The following LARP1B variants were observed in gnomAD, a reference collection of about 807,000 sequenced individuals.
LARP1B encodes la-related protein 1B.
In LARP1B, 76 loss-of-function variants were observed where a neutral mutation model predicts 114.2. That is an observed-to-expected ratio of 0.67 (90% CI 0.55 to 0.81). The LOEUF (loss-of-function observed/expected upper bound fraction) is 0.81. Ranked by LOEUF, LARP1B falls within the 30% of genes least tolerant of loss-of-function variation. The pLI is 0.00. For synonymous variants in LARP1B, 345 were observed against 348.0 expected (o/e 0.99, Z 0.10); for missense variants, 1,014 against 1,075.8 (o/e 0.94, Z 0.80).
intron 12 of LARP1B, among the ~76,000 whole-genome samples, chr4:128,173,969 A>G (rs747798243): frequency 6.6e-6 from 1 of 152,108 alleles, no homozygotes; most frequent in Non-Finnish European, 1.5e-5. Flanking sequence ...TTCTTTCACT[A>G]TGGTTTTGCA....
intron 15 of LARP1B, among the ~76,000 whole-genome samples, chr4:128,186,771 T>G (rs1016252105): frequency 2.6e-5 from 4 of 152,256 alleles, no homozygotes; most frequent in African/African-American, 9.6e-5. Flanking sequence ...TTGTAGGCAT[T>G]TTAGAGACCT....
chr4:128,076,628 A>G (rs1249560141), intron 3 of LARP1B, among the ~76,000 whole-genome samples: 1 of 152,184 alleles, frequency 6.6e-6, no homozygotes, highest in Non-Finnish European at 1.5e-5. Flanking sequence ...TGGATCACTT[A>G]GTAGCTACCT....
At chr4:128,140,494 A>G (rs1355455567) in intron 11 of LARP1B, among the ~76,000 whole-genome samples, 2 of 152,206 alleles carry the variant, frequency 1.3e-5, no homozygotes, top group Non-Finnish European at 2.9e-5. Context: ...CTTAACGTAT[A>G]TAGATGGTTG....
At chr4:128,153,378 G>A (rs1225631501) in intron 11 of LARP1B, among the ~76,000 whole-genome samples, 4 of 151,396 alleles carry the variant, frequency 2.6e-5, no homozygotes, top group Admixed American at 6.6e-5. Context: ...GTGCAGTGGC[G>A]CGATCTTGGC....
At chr4:128,155,928 G>A in intron 11 of LARP1B, 1 of 1,537,578 alleles carries the variant, frequency 6.5e-7, no homozygotes, top group Non-Finnish European at 9.0e-7. Flanking sequence ...GAGCCAAGGA[G>A]GGGTACACAG....
intron 8 of LARP1B, among the ~76,000 whole-genome samples, chr4:128,101,616 A>G (rs1780359150): frequency 6.6e-6 from 1 of 151,142 alleles, no homozygotes; most frequent in East Asian, 1.9e-4. Flanking sequence ...GATTCATAGT[A>G]GAATGAGTTT....
intron 11 of LARP1B, among the ~76,000 whole-genome samples, chr4:128,139,921 C>T (rs893395114): frequency 9.9e-5 from 15 of 152,102 alleles, no homozygotes; most frequent in Non-Finnish European, 1.5e-5. Context: ...TATGATCCAC[C>T]ATTTCCACTC....
chr4:128,121,886 C>T lies in LARP1B; in HGVS notation c.1222C>T (p.Gln408Ter). 6.2e-7 allele frequency: 1 copy of T among 1,611,906 alleles called. No individual in the cohort carries two copies. Among genetic ancestry groups the T allele is most frequent in the African/African-American group, 1.3e-5 (1 of 74,956 alleles). Reference protein sequence around the residue: ...NQLCSSEEPEQEELDFLFDEE... With the variant: ...NQLCSSEEPE ...GCTATGTTCTTCAGAAGAACCAGAA[C>T]AAGAAGAACTTGATTTTTTGTTTGA... Residue 408 changes from glutamine to a stop codon, truncating the protein, a stop_gained, in exon 11 of 20, where the codon CAA becomes TAA. Transcript: ENST00000326639. LOFTEE classifies it high-confidence loss of function.
At chr4:128,094,989 G>A (rs1380023325) in intron 7 of LARP1B, among the ~76,000 whole-genome samples, 1 of 152,064 alleles carries the variant, frequency 6.6e-6, no homozygotes, top group African/African-American at 2.4e-5. Context: ...GACCTCAGGT[G>A]ATCTGCCTGC....
chr4:128,187,561 G>A (rs1020788174), intron 15 of LARP1B, among the ~76,000 whole-genome samples: 1 of 152,190 alleles, frequency 6.6e-6, no homozygotes, highest in Non-Finnish European at 1.5e-5. Context: ...CAGGCTCATA[G>A]GTGGAAGGGA....
In LARP1B at chr4:128,122,180, G is replaced by A; in HGVS notation, c.1516G>A (p.Ala506Thr). The A allele has an allele frequency of 1.2e-6, 2 of 1,612,946 alleles. No individual in the cohort carries two copies. The highest frequency in any genetic ancestry group is 8.5e-7 in the Non-Finnish European group (1 of 1,179,144). ...GGAAGAAGATGAAAACAAACACACA[G>A]CCATAAAGGTAATTGTTTCTGGCCA... ...WMEEDENKHTAIKQEVENFKK... is the reference protein window; with the variant it reads ...WMEEDENKHTTIKQEVENFKK... Residue 506 changes from alanine (A) to threonine (T), a missense_variant, in exon 11 of 20, where the codon GCC becomes ACC. Physicochemically the swap from Ala to Thr is moderately conservative, Grantham distance 58. Transcript: ENST00000326639.
intron 15 of LARP1B, among the ~76,000 whole-genome samples, chr4:128,198,350 A>G (rs1754937362): frequency 6.6e-6 from 1 of 152,190 alleles, no homozygotes; most frequent in Admixed American, 6.5e-5. Context: ...TCTCCAGAAC[A>G]TTTTCATCTT....
At chr4:128,079,286 G>A (rs1055061707) in intron 4 of LARP1B, among the ~76,000 whole-genome samples, 1 of 151,892 alleles carries the variant, frequency 6.6e-6, no homozygotes, top group African/African-American at 2.4e-5. Flanking sequence ...GTAGAGACGG[G>A]GTTTCACTGT....
At chr4:128,083,615 C>CG (rs1481812126) in intron 5 of LARP1B, among the ~76,000 whole-genome samples, 1 of 140,242 alleles carries the variant, frequency 7.1e-6, no homozygotes, top group African/African-American at 2.7e-5. Flanking sequence ...GCTGGCCGGG[C>CG]GGGGTGCTGA....
intron 11 of LARP1B, among the ~76,000 whole-genome samples, chr4:128,131,152 T>C (rs990804764): frequency 2.0e-5 from 3 of 152,184 alleles, no homozygotes; most frequent in Non-Finnish European, 2.9e-5. Context: ...CAGGACAATT[T>C]TGATAATACT....
At chr4:128,221,560 T>G (rs1387161880) in intron 7 of LARP1B, among the ~76,000 whole-genome samples, 2 of 152,210 alleles carry the variant, frequency 1.3e-5, no homozygotes, top group South Asian at 2.1e-4. Flanking sequence ...TATTGTTTTG[T>G]TTTTTTCCAG....
intron 8 of LARP1B, among the ~76,000 whole-genome samples, chr4:128,104,545 A>G (rs1232479692): frequency 6.6e-6 from 1 of 151,462 alleles, no homozygotes; most frequent in Non-Finnish European, 1.5e-5. Context: ...CCCAGTTTCA[A>G]GCGATTCTCC....
chr4:128,144,686 TTCTG>T (rs1342705607), intron 11 of LARP1B, among the ~76,000 whole-genome samples: 3 of 152,154 alleles, frequency 2.0e-5, no homozygotes, highest in Admixed American at 6.6e-5. Context: ...GTATTTATCA[TTCTG>T]TCTTAAACTT....
At chr4:128,191,825 A>T (rs1456020668) in intron 15 of LARP1B, among the ~76,000 whole-genome samples, 1 of 152,058 alleles carries the variant, frequency 6.6e-6, no homozygotes, top group Non-Finnish European at 1.5e-5. Context: ...CCTGCAAGGG[A>T]ACCCAAGATG....
Sources: allele counts gnomAD v4.1 joint callset (sites outside exome capture counted in the v4.1 genomes callset), GRCh38; gene constraint gnomAD v4.1.1; transcripts MANE v1.5; gene names NCBI Gene and HGNC (gene_info 2026-07-23, HGNC 2026-07-21).